Variants in TEX11 observed in about 807,000 individuals in gnomAD.
TEX11 encodes testis-expressed protein 11.
In TEX11, 7 loss-of-function variants were observed where a neutral mutation model predicts 84.4. The ratio of observed to expected loss-of-function variants is 0.08; its 90% CI spans 0.05 to 0.16. The LOEUF (loss-of-function observed/expected upper bound fraction) is 0.16. Among genes scored for constraint, TEX11 ranks in the 10% least tolerant of loss-of-function variants. The pLI is 1.00. For synonymous variants in TEX11, 264 were observed against 222.8 expected, an observed-to-expected ratio of 1.18 and a Z score of -1.64; for missense variants, 551 against 660.5, an observed-to-expected ratio of 0.83 and a Z score of 1.82.
At chrX:70,682,133 C>T (rs990312855) in intron 14 of TEX11, among the ~76,000 whole-genome samples, 6 of 111,412 alleles carry the variant, frequency 5.4e-5, no homozygotes, top group Non-Finnish European at 1.1e-4. Context: ...TACAGAAGTT[C>T]TGCAGGGAGG....
intron 2 of TEX11, among the ~76,000 whole-genome samples, chrX:70,901,239 A>C (rs184640453): frequency 5.7e-4 from 64 of 111,751 alleles, no homozygotes; most frequent in Admixed American, 1.4e-3. Context: ...GGGGGCAAAA[A>C]GTTCAAAATG....
chrX:70,565,883 G>A (rs767634111), intron 25 of TEX11, among the ~76,000 whole-genome samples: 83 of 111,323 alleles, frequency 7.5e-4, no homozygotes, highest in African/African-American at 2.4e-3. Flanking sequence ...ACTTGGAGAT[G>A]CAGGCTCTTT....
chrX:70,532,479 T>C (rs2087900489), intron 28 of TEX11, among the ~76,000 whole-genome samples: 1 of 112,546 alleles, frequency 8.9e-6, no homozygotes. Flanking sequence ...CTCACACCTG[T>C]AATCCCAGCA....
intron 20 of TEX11, among the ~76,000 whole-genome samples, chrX:70,623,367 G>A (rs2089416540): frequency 8.9e-6 from 1 of 111,757 alleles, no homozygotes. Context: ...TCAACGAATT[G>A]TTAAGTTTTA....
At chrX:70,733,550 A>G (rs1385772804) in intron 11 of TEX11, among the ~76,000 whole-genome samples, 5 of 112,261 alleles carry the variant, frequency 4.5e-5, no homozygotes, top group African/African-American at 1.6e-4. Context: ...AAACACATGA[A>G]AAAATGCTCA....
intron 16 of TEX11, among the ~76,000 whole-genome samples, chrX:70,661,311 G>A (rs995639756): frequency 1.1e-4 from 12 of 112,274 alleles, no homozygotes; most frequent in Non-Finnish European, 1.5e-4. Context: ...ACTGCAAGGC[G>A]GCAGCAAAGC....
intron 16 of TEX11, among the ~76,000 whole-genome samples, chrX:70,656,270 T>A (rs1399157253): frequency 6.6e-5 from 3 of 45,421 alleles, no homozygotes; most frequent in African/African-American, 1.3e-4. Context: ...ACAAAAAAAT[T>A]TTTTTAAATT....
At chrX:70,870,844 G>T (rs1446168958) in intron 4 of TEX11, among the ~76,000 whole-genome samples, 1 of 111,449 alleles carries the variant, frequency 9.0e-6, no homozygotes, top group African/African-American at 3.3e-5. Context: ...GAACCTAAAT[G>T]AATCAAAACC....
chrX:70,825,397 C>T (rs1367379348), intron 8 of TEX11, among the ~76,000 whole-genome samples: 1 of 109,016 alleles, frequency 9.2e-6, no homozygotes, highest in Non-Finnish European at 1.9e-5. Flanking sequence ...TATGACAATG[C>T]TTGAAAATCT....
intron 22 of TEX11, among the ~76,000 whole-genome samples, chrX:70,607,926 C>T (rs1297257324): frequency 8.9e-6 from 1 of 112,186 alleles, no homozygotes; most frequent in Non-Finnish European, 1.9e-5. Flanking sequence ...TCTTAGAAGT[C>T]AGATTGCAGT....
chrX:70,550,612 A>T (rs1315012446), intron 28 of TEX11, among the ~76,000 whole-genome samples: 2 of 112,159 alleles, frequency 1.8e-5, no homozygotes, highest in Non-Finnish European at 3.8e-5. Context: ...TTCTCAAAAG[A>T]AGACAAACAA....
At chrX:70,656,299 A>T (rs1381862738) in intron 16 of TEX11, among the ~76,000 whole-genome samples, 1 of 109,264 alleles carries the variant, frequency 9.2e-6, no homozygotes, top group African/African-American at 3.3e-5. Flanking sequence ...ATGGTGGTGC[A>T]TGCCTGTGGT....
chrX:70,688,137 G>A (rs1474788845), intron 13 of TEX11, among the ~76,000 whole-genome samples: 2 of 111,086 alleles, frequency 1.8e-5, no homozygotes, highest in Non-Finnish European at 3.8e-5. Context: ...TTCAAAGAGC[G>A]GTGCAAACTC....
At chrX:70,790,303 A>G (rs1291877629) in intron 9 of TEX11, among the ~76,000 whole-genome samples, 4 of 111,774 alleles carry the variant, frequency 3.6e-5, no homozygotes, top group Non-Finnish European at 7.5e-5. Flanking sequence ...CAGAGAGGCA[A>G]CACAGACACT....
the TEX11 span, among the ~76,000 whole-genome samples, chrX:70,516,629 TTA>T: frequency 3.6e-5 from 4 of 111,511 alleles, no homozygotes; most frequent in East Asian, 1.1e-3. Context: ...CATATGAACT[TTA>T]AAGTAGTTTT....
Position 70,781,389 on chromosome X carries a change from A to T in TEX11, c.692+25316T>A, listed in dbSNP as rs1026035412. ...CAGAGCAGAAAAACTGAAAATTCTA[A>T]AAACCAGAGAGCCTCTTCTCCTCCA... On this transcript the variant is annotated intron_variant, in intron 9 of 29. Coordinates refer to ENST00000374333, the MANE Select transcript of TEX11 (RefSeq NM_031276.3). Among the ~76,000 whole-genome samples, 7 of 112,159 alleles carry T rather than the reference A, an allele frequency of 6.2e-5. No homozygotes were observed. The South Asian group carries it at 2.6e-3, about 42-fold the overall frequency.
At chrX:70,618,359 C>A (rs1413777204) in intron 20 of TEX11, among the ~76,000 whole-genome samples, 1 of 111,477 alleles carries the variant, frequency 9.0e-6, no homozygotes, top group South Asian at 3.8e-4. Context: ...AAGTGGATAT[C>A]TCTGTGTGCT....
In TEX11 at chrX:70,529,956, G is replaced by A; in HGVS notation, c.2564C>T (p.Ser855Phe). The change falls in exon 29 of 30, where the codon TCC (serine) becomes TTC (phenylalanine). Residue 855 changes from serine to phenylalanine, a missense_variant. Transcript: ENST00000374333. ...EMEILWLMVK[S>F]WNTGVLMFSR... is the part of the protein sequence containing the mutation. The stretch of plus-strand genomic sequence containing the variant: ...AAACATAAGTACTCCGGTATTCCAG[G>A]ACTTGACCATCAGCCAGAGAATCTC... 8.3e-7 allele frequency: 1 copy of A among 1,210,168 alleles called. No individual in the cohort carries two copies. Among genetic ancestry groups the A allele is most frequent in the East Asian group, 3.0e-5 (1 of 33,844 alleles).
chrX:70,617,878 T>C (rs2089337300), intron 20 of TEX11, among the ~76,000 whole-genome samples: 1 of 111,957 alleles, frequency 8.9e-6, no homozygotes, highest in Non-Finnish European at 1.9e-5. Flanking sequence ...TCATTTCCCC[T>C]AGGACTGACT....
Sources: allele counts gnomAD v4.1 joint callset (sites outside exome capture counted in the v4.1 genomes callset), GRCh38; gene constraint gnomAD v4.1.1; transcripts MANE v1.5; gene names NCBI Gene and HGNC (gene_info 2026-07-23, HGNC 2026-07-21).